Variants in PSG5 observed in about 807,000 individuals in gnomAD.
PSG5 encodes the protein pregnancy specific beta-1-glycoprotein 5, also known as pregnancy-specific beta-1-glycoprotein 5.
Under a neutral mutation model 37.7 loss-of-function variants are expected in PSG5, and 53 were observed. The ratio of observed to expected loss-of-function variants is 1.41; its 90% CI spans 1.13 to 1.77. The LOEUF is 1.77. Among genes scored for constraint, PSG5 ranks in the 40% most tolerant of loss-of-function variants. The probability of loss-of-function intolerance (pLI) is 0.00; values close to 1 mark genes in which losing one functional copy is unlikely to be tolerated. For missense variants in PSG5, 547 were observed against 405.2 expected, an observed-to-expected ratio of 1.35 and a Z score of -3.00; for synonymous variants, 221 against 155.4, an observed-to-expected ratio of 1.42 and a Z score of -3.14.
chr19:43,168,536 T>C (rs1002034270), intron 5 of PSG5, among the ~76,000 whole-genome samples: 3 of 151,124 alleles, frequency 2.0e-5, no homozygotes, highest in African/African-American at 7.3e-5. Context: ...GCCCGGCAAA[T>C]TTTGTTTTTG....
chr19:43,181,174 A>C lies in PSG5; in HGVS notation c.430+3608T>G, dbSNP rs191129933. Among the ~76,000 whole-genome samples the C allele has an allele frequency of 3.8e-4, 58 of 151,716 alleles. 1 individual carries two copies. The highest frequency in any genetic ancestry group is 8.3e-4 in the South Asian group (4 of 4,822). On this transcript the variant is annotated intron_variant, in intron 2 of 5. Coordinates refer to ENST00000342951, the MANE Select transcript of PSG5 (RefSeq NM_002781.4). Reference sequence around the variant, plus strand: ...AGGCAGTAAAACCATTAGATAGCACACACCTGGCCACCTCCAACTGGTCCC... The same window carrying C: ...AGGCAGTAAAACCATTAGATAGCACCCACCTGGCCACCTCCAACTGGTCCC...
rs573752117 is a variant in PSG5 at position 43,176,119 on chromosome 19, T to C, written c.460A>G (p.Asn154Asp). 2 of 1,611,250 alleles carry C rather than the reference T, an allele frequency of 1.2e-6. No individual in the cohort carries two copies. Among genetic ancestry groups the C allele is most frequent in the South Asian group, 2.2e-5 (2 of 90,988 alleles). The change falls in exon 3 of 6, where the codon AAC becomes GAC. Residue 154 changes from asparagine (N) to aspartate (D), a missense_variant. Physicochemically the swap from Asn to Asp is conservative, Grantham distance 23 (BLOSUM62 1). Transcript: ENST00000342951. ...TTATTCTCCCTGGGTTTTGAGTTGT[T>C]GATGGTGATGTAGGGCTTGGGCAGC... ...LKLPKPYITINNSKPRENKDV... is the reference protein window; with the variant it reads ...LKLPKPYITIDNSKPRENKDV...
intron 1 of PSG5, 121 bp downstream of exon 1, chr19:43,186,221 C>T: frequency 3.9e-6 from 6 of 1,519,048 alleles, no homozygotes; most frequent in Non-Finnish European, 5.4e-6. Flanking sequence ...CATAATCCAC[C>T]CACCTCATCC....
At position 43,178,104 on chromosome 19, in the gene PSG5, A is replaced by G. The variant is rs539703370; in HGVS notation, c.431-1956T>C. ...AAGCTGGTGGTTTTGGAGCAGAAAC[A>G]TACTCCCTGTGCTGGGTTTTTGATT... On this transcript the variant is annotated intron_variant, in intron 2 of 5. Transcript: ENST00000342951. Among the ~76,000 whole-genome samples, 15 of 151,684 alleles carry G rather than the reference A, an allele frequency of 9.9e-5. No individual in the cohort carries two copies. The South Asian group carries it at 2.9e-3, about 29-fold the overall frequency.
At position 43,170,610 on chromosome 19, in the gene PSG5, G is replaced by T. The variant is rs1161578175; in HGVS notation, c.965-472C>A. The T allele has an allele frequency of 1.7e-5, 5 of 294,484 alleles. No homozygotes were observed. The South Asian group carries it at 2.0e-4, about 12-fold the overall frequency. The allele number at this position is 294,484 out of a possible 1,614,324, so 18.2% of individuals were successfully genotyped here. A position where few individuals can be genotyped will look rare whatever the true frequency, so the allele number is the denominator to read the frequency against. On this transcript the variant is annotated intron_variant, in intron 4 of 5. Coordinates refer to ENST00000342951, the MANE Select transcript of PSG5 (RefSeq NM_002781.4). ...AAGCTTCTTTCCCACAGGCTCCCAGGAAGGGCGTGAAAGCAAGCCTAGTTC... is the reference window on the plus strand; with the variant it reads ...AAGCTTCTTTCCCACAGGCTCCCAGTAAGGGCGTGAAAGCAAGCCTAGTTC...
In PSG5 at chr19:43,175,225, G is replaced by C. The variant is rs766362109; in HGVS notation, c.954C>G (p.Val318=). Residue 318 remains valine (V), a synonymous_variant, in exon 4 of 6, where the codon GTC becomes GTG. Coordinates refer to ENST00000342951, the MANE Select transcript of PSG5 (RefSeq NM_002781.4). ...CTGGGATCCACTTACCAGAGACTTCGACTGTCATGGATTTGGAGCTTTCCT... is the reference window on the plus strand; with the variant it reads ...CTGGGATCCACTTACCAGAGACTTCCACTGTCATGGATTTGGAGCTTTCCT... ...TGKESSKSMT[V]EVSAPSGIGR... The C allele has an allele frequency of 9.9e-6, 16 of 1,612,472 alleles. No individual in the cohort carries two copies. Among genetic ancestry groups the C allele is most frequent in the Non-Finnish European group, 1.4e-5 (16 of 1,179,126 alleles).
chr19:43,172,683 A>T (rs1262706999), intron 4 of PSG5, among the ~76,000 whole-genome samples: 2 of 151,674 alleles, frequency 1.3e-5, no homozygotes, highest in Non-Finnish European at 2.9e-5. Flanking sequence ...CAAAGAGGTG[A>T]AATAATTATA....
At position 43,178,848 on chromosome 19, in the gene PSG5, C is replaced by A. The variant is rs748406266; in HGVS notation, c.431-2700G>T. On this transcript the variant is annotated intron_variant, in intron 2 of 5. Coordinates refer to ENST00000342951, the MANE Select transcript of PSG5 (RefSeq NM_002781.4). ...TGGCCATGTGTATTTGGGATGGCAG[C>A]CTGGCTCACAGAGGAACAGAGGATA... 3.1e-6 allele frequency: 5 copies of A among 1,612,698 alleles called. No homozygotes were observed. In the Admixed American group the frequency reaches 6.7e-5, roughly 22 times the overall value.
Position 43,185,163 on chromosome 19 carries a change from A to G in PSG5, c.65-16T>C, listed in dbSNP as rs1441068624. ...AAAAGTGATGCTAGGAGGTGGAGAA[A>G]GCACCAGTCAATATTGAGACCTGTG... is the stretch of plus-strand genomic sequence containing the variant. On this transcript the variant is annotated splice_polypyrimidine_tract_variant and intron_variant, in intron 1 of 5. Coordinates refer to ENST00000342951, the MANE Select transcript of PSG5 (RefSeq NM_002781.4). 3 of 1,585,312 alleles carry G rather than the reference A, an allele frequency of 1.9e-6. No homozygotes were observed. The highest frequency in any genetic ancestry group is 8.6e-7 in the Non-Finnish European group (1 of 1,165,298).
chr19:43,168,132 T>A lies in PSG5; in HGVS notation c.*112A>T. 2.3e-6 allele frequency: 1 copy of A among 443,358 alleles called. No homozygotes were observed. Among genetic ancestry groups the A allele is most frequent in the Non-Finnish European group, 4.0e-6 (1 of 247,274 alleles). 27.5% of individuals were successfully genotyped at this position (443,358 alleles called of 1,614,324 possible). ...TCCTTGTCAGAGTCTTTTCCATAAA[T>A]CTCCTTGAAGAAAAAGCAATTTTGG... On this transcript the variant is annotated 3_prime_UTR_variant, in exon 6 of 6. Coordinates refer to ENST00000342951, the MANE Select transcript of PSG5 (RefSeq NM_002781.4).
chr19:43,176,171 A>G lies in PSG5; in HGVS notation c.431-23T>C, dbSNP rs186885212. The G allele has an allele frequency of 2.7e-5, 43 of 1,609,338 alleles. 1 individual carries two copies. The East Asian group carries it at 9.6e-4, about 36-fold the overall frequency. ...TCACTGTGTGGATAACAGAGAGAAG[A>G]TTGTCCTGTGTGGCACCTTTGATTC... On this transcript the variant is annotated intron_variant, in intron 2 of 5. Transcript: ENST00000342951.
At chr19:43,174,810 A>G in intron 4 of PSG5, 1 of 1,174,438 alleles carries the variant, frequency 8.5e-7, no homozygotes. Flanking sequence ...GAAAAGTGTG[A>G]GCTTGTTTCA....
intron 4 of PSG5, among the ~76,000 whole-genome samples, chr19:43,173,008 T>C (rs1375580164): frequency 1.3e-5 from 2 of 151,676 alleles, no homozygotes; most frequent in Non-Finnish European, 2.9e-5. Flanking sequence ...CAATACAGTG[T>C]GGTACTGGCA....
intron 2 of PSG5, among the ~76,000 whole-genome samples, chr19:43,177,241 T>C (rs1205926372): frequency 1.3e-5 from 2 of 151,478 alleles, no homozygotes; most frequent in Non-Finnish European, 2.9e-5. Flanking sequence ...GTTTCAGTTA[T>C]GCAAGGTGGG....
intron 2 of PSG5, 81 bp from the exon 3 acceptor site, chr19:43,176,229 C>A: frequency 6.4e-7 from 1 of 1,570,406 alleles, no homozygotes; most frequent in Non-Finnish European, 8.6e-7. Flanking sequence ...GAGTTGGCAT[C>A]TCCCACCTGT....
rs557727139 is a variant in PSG5 at position 43,185,089 on chromosome 19, C to T, written c.123G>A (p.Leu41=). ...CCTTCCCCTCGGAAACTTTGGGTGG[C>T]AGGGCTTCAATCGTGACTTGAGCAG... ...PITAQVTIEA[L]PPKVSEGKDV... Residue 41 remains leucine, a synonymous_variant, in exon 2 of 6, where the codon CTG becomes CTA. Transcript: ENST00000342951. 1.1e-5 allele frequency: 18 copies of T among 1,611,754 alleles called. No homozygotes were observed. The highest frequency in any genetic ancestry group is 5.4e-5 in the African/African-American group (4 of 74,576).
chr19:43,182,705 ATTTT>A (rs534568803), intron 2 of PSG5, among the ~76,000 whole-genome samples: 7 of 58,496 alleles, frequency 1.2e-4, no homozygotes, highest in East Asian at 1.2e-3. Context: ...CATTTCAATA[ATTTT>A]TTTTTTTTTT....
intron 2 of PSG5, 67 bp downstream of exon 2, chr19:43,184,715 T>C: frequency 7.5e-6 from 12 of 1,604,566 alleles, no homozygotes; most frequent in Non-Finnish European, 1.0e-5. Flanking sequence ...GGCCTGACAA[T>C]CCTGTGTGTG....
rs535571132 is a variant in PSG5, at chr19:43,184,853, T to G, written c.359A>C (p.Tyr120Ser). The G allele has an allele frequency of 1.2e-6, 2 of 1,612,540 alleles. 1 individual carries two copies. The highest frequency in any genetic ancestry group is 3.3e-4 in the Middle Eastern group (2 of 6,052). Residue 120 changes from tyrosine to serine, a missense_variant, in exon 2 of 6, where the codon TAC becomes TCC. Transcript: ENST00000342951. Reference protein sequence around the residue: ...QNVTREDAGSYTLHIIKRGDR... With the variant: ...QNVTREDAGSSTLHIIKRGDR... ...ACCTCGCTTTATGATGTGTAAGGTGTAGGATCCTGCGTCTTCCCGGGTGAC... is the reference window on the plus strand; with the variant it reads ...ACCTCGCTTTATGATGTGTAAGGTGGAGGATCCTGCGTCTTCCCGGGTGAC...
Sources: allele counts gnomAD v4.1 joint callset (sites outside exome capture counted in the v4.1 genomes callset), GRCh38; gene constraint gnomAD v4.1.1; transcripts MANE v1.5; gene names NCBI Gene and HGNC (gene_info 2026-07-23, HGNC 2026-07-21).